The following PDLIM1 variants were observed in gnomAD, a reference collection of about 807,000 sequenced individuals.
PDLIM1 encodes the protein PDZ and LIM domain 1, also known as PDZ and LIM domain protein 1.
Under a neutral mutation model 35.2 loss-of-function variants are expected in PDLIM1, and 25 were observed. The ratio of observed to expected loss-of-function variants is 0.71; its 90% confidence interval spans 0.52 to 0.99. PDLIM1 has a LOEUF of 0.99. Ranked by LOEUF, PDLIM1 falls within the 50% of genes least tolerant of loss-of-function variation. The pLI is 0.00. For missense variants in PDLIM1, 363 were observed against 415.3 expected (o/e 0.87, Z 1.09); for synonymous variants, 152 against 154.0 (o/e 0.99, Z 0.10).
At chr10:95,273,727 T>C (rs1341770660) in intron 1 of PDLIM1, among the ~76,000 whole-genome samples, 1 of 152,150 alleles carries the variant, frequency 6.6e-6, no homozygotes, top group Non-Finnish European at 1.5e-5. Context: ...GACAGGACTT[T>C]TTATCCAGGC....
intron 3 of PDLIM1, 58 bp from the exon 4 acceptor site, chr10:95,264,121 G>C: frequency 7.0e-7 from 1 of 1,437,122 alleles, no homozygotes; most frequent in Admixed American, 1.7e-5. Context: ...ACCCCTTGAT[G>C]GGCAGTGCAG....
chr10:95,280,243 CAG>C (rs1275814042), intron 1 of PDLIM1, among the ~76,000 whole-genome samples: 1 of 152,028 alleles, frequency 6.6e-6, no homozygotes, highest in Non-Finnish European at 1.5e-5. Context: ...CAGGTGGTGG[CAG>C]GTGCCTGTAA....
At chr10:95,242,513 C>A (rs544238583) in intron 5 of PDLIM1, among the ~76,000 whole-genome samples, 91 of 151,896 alleles carry the variant, frequency 6.0e-4, no homozygotes, top group African/African-American at 2.2e-3. Context: ...ATGGTGAAAC[C>A]CCATCTCTAC....
At chr10:95,267,518 TAGA>T (rs1198154208) in intron 3 of PDLIM1, among the ~76,000 whole-genome samples, 2 of 152,220 alleles carry the variant, frequency 1.3e-5, no homozygotes, top group African/African-American at 2.4e-5. Flanking sequence ...AGGAGTTGTA[TAGA>T]AGAATATGTT....
intron 1 of PDLIM1, among the ~76,000 whole-genome samples, chr10:95,283,644 C>T (rs185617607): frequency 3.9e-4 from 59 of 152,284 alleles, no homozygotes; most frequent in African/African-American, 1.4e-3. Context: ...AGCCTTTTAC[C>T]TTATGCTTTC....
In PDLIM1 at chr10:95,268,823, TTCC is replaced by T; in HGVS notation, c.285_287del (p.Glu96del). 6.2e-7 allele frequency: 1 copy of T among 1,613,518 alleles called. No individual in the cohort carries two copies. Among genetic ancestry groups the T allele is most frequent in the Non-Finnish European group, 8.5e-7 (1 of 1,179,416 alleles). The stretch of plus-strand genomic sequence containing the variant: ...TCATCTTGTATGGATGACGCTTCCC[TTCC>T]TCCGTCACCAGAGGAGACCAGACTT... On this transcript the variant is annotated inframe_deletion, in exon 3 of 7. Transcript: ENST00000329399.
At chr10:95,268,698 A>G in intron 3 of PDLIM1, 80 bp downstream of exon 3, 1 of 903,752 alleles carries the variant, frequency 1.1e-6, no homozygotes, top group East Asian at 2.4e-5. Flanking sequence ...GGGCAGGAAA[A>G]ACAGGAATGT....
At chr10:95,258,942 ATCC>A (rs1355150975) in intron 4 of PDLIM1, among the ~76,000 whole-genome samples, 1 of 152,214 alleles carries the variant, frequency 6.6e-6, no homozygotes, top group African/African-American at 2.4e-5. Context: ...AGAAAAGCTA[ATCC>A]CAGGTTACAT....
At position 95,279,317 on chromosome 10, in the gene PDLIM1, T is replaced by C. The variant is rs45444595; in HGVS notation, c.97-7533A>G. Among the ~76,000 whole-genome samples, 4 of 152,334 alleles carry C rather than the reference T, an allele frequency of 2.6e-5. No individual in the cohort carries two copies. The East Asian group carries it at 7.7e-4, about 29-fold the overall frequency. ...ATCATTCTTGCAGCTATTAATTTTC[T>C]GACTATCTCACCTACTCAAAACTCA... On this transcript the variant is annotated intron_variant, in intron 1 of 6. Transcript: ENST00000329399.
chr10:95,284,118 T>C (rs1458604344), intron 1 of PDLIM1, among the ~76,000 whole-genome samples: 1 of 152,144 alleles, frequency 6.6e-6, no homozygotes, highest in African/African-American at 2.4e-5. Context: ...CTATTGCTGT[T>C]AGACATGTGA....
intron 4 of PDLIM1, among the ~76,000 whole-genome samples, chr10:95,261,446 T>C (rs1261347725): frequency 6.6e-6 from 1 of 152,136 alleles, no homozygotes; most frequent in East Asian, 1.9e-4. Context: ...GCTTGGAAGC[T>C]TCCTCTCAGG....
chr10:95,257,443 TA>T (rs944159358), intron 4 of PDLIM1, among the ~76,000 whole-genome samples: 20 of 150,304 alleles, frequency 1.3e-4, no homozygotes, highest in East Asian at 9.8e-4. Flanking sequence ...CCAGAATATA[TA>T]AAAAAAAACT....
intron 4 of PDLIM1, among the ~76,000 whole-genome samples, chr10:95,256,961 T>G (rs1439760152): frequency 8.9e-5 from 3 of 33,746 alleles, no homozygotes; most frequent in Admixed American, 3.9e-4. Context: ...GGCAACAGAA[T>G]GAGACTTCAT....
chr10:95,252,092 T>C (rs560606780), intron 4 of PDLIM1, among the ~76,000 whole-genome samples: 1 of 152,344 alleles, frequency 6.6e-6, no homozygotes, highest in African/African-American at 2.4e-5. Flanking sequence ...TCCAGACTTC[T>C]AGTCTCACCA....
At position 95,247,200 on chromosome 10, in the gene PDLIM1, G is replaced by C. The variant is rs1314754765; in HGVS notation, c.685+15C>G. 6.2e-7 allele frequency: 1 copy of C among 1,609,102 alleles called. No individual in the cohort carries two copies. The highest frequency in any genetic ancestry group is 2.2e-5 in the East Asian group (1 of 44,832). On this transcript the variant is annotated intron_variant, in intron 5 of 6. Transcript: ENST00000329399. ...CCTTGAACAAGAGCCTCTGACTGCA[G>C]ATGGAGCTGATTACCTTTTTCTTCA...
chr10:95,264,893 T>C (rs568484265), intron 3 of PDLIM1, among the ~76,000 whole-genome samples: 2 of 152,326 alleles, frequency 1.3e-5, no homozygotes, highest in Admixed American at 1.3e-4. Flanking sequence ...CATTCCTGTT[T>C]TCTAAAACTA....
chr10:95,269,450 T>A (rs1018583365), intron 2 of PDLIM1, among the ~76,000 whole-genome samples: 18 of 151,562 alleles, frequency 1.2e-4, no homozygotes, highest in Non-Finnish European at 2.4e-4. Context: ...CATACGCCTA[T>A]AATCCCAGCT....
chr10:95,265,270 A>G (rs2035403052), intron 3 of PDLIM1, among the ~76,000 whole-genome samples: 1 of 152,140 alleles, frequency 6.6e-6, no homozygotes, highest in Non-Finnish European at 1.5e-5. Context: ...AAAATAAAAG[A>G]AAACAACCTG....
chr10:95,238,821 G>C, intron 5 of PDLIM1, 136 bp from the exon 6 acceptor site: 1 of 597,930 alleles, frequency 1.7e-6, no homozygotes, highest in Non-Finnish European at 3.1e-6. Context: ...TGTGATCCTG[G>C]GCAAGTAACT....
Sources: allele counts gnomAD v4.1 joint callset (sites outside exome capture counted in the v4.1 genomes callset), GRCh38; gene constraint gnomAD v4.1.1; transcripts MANE v1.5; gene names NCBI Gene and HGNC (gene_info 2026-07-23, HGNC 2026-07-21).